TBC1D5: variants seen among roughly 807,000 people sequenced by gnomAD.
TBC1D5 encodes TBC1 domain family member 5, also known as TBC1 domain family, member 5.
A neutral mutation model predicts 100.3 loss-of-function variants in TBC1D5; 75 were observed. That is an observed-to-expected ratio of 0.75 (90% CI 0.62 to 0.91). TBC1D5 has a LOEUF of 0.91. TBC1D5 is among the 40% of genes least tolerant of loss of function. The pLI is 0.00. For missense variants in TBC1D5, 910 were observed against 942.4 expected (o/e 0.97, Z 0.45); for synonymous variants, 323 against 325.6 (o/e 0.99, Z 0.09).
intron 8 of TBC1D5, among the ~76,000 whole-genome samples, chr3:17,398,056 A>T (rs2093554862): frequency 6.6e-6 from 1 of 152,164 alleles, no homozygotes; most frequent in Non-Finnish European, 1.5e-5. Flanking sequence ...CTAATATGGA[A>T]ATGATATTTT....
At chr3:17,158,409 AAGG>A (rs1421685707) in exon 22 of TBC1D5, 1 of 152,252 alleles carries the variant, frequency 6.6e-6, no homozygotes, top group Non-Finnish European at 1.5e-5. Flanking sequence ...ATATAATAAA[AAGG>A]AGCACATATT....
At chr3:17,622,554 A>T (rs781663042) in intron 2 of TBC1D5, 3 of 152,054 alleles carry the variant, frequency 2.0e-5, no homozygotes, top group Non-Finnish European at 4.4e-5. Flanking sequence ...CACATGTTAA[A>T]GGAAAAAAAT....
At chr3:17,626,539 G>T (rs1016568639) in intron 1 of TBC1D5, among the ~76,000 whole-genome samples, 3 of 152,066 alleles carry the variant, frequency 2.0e-5, no homozygotes, top group Admixed American at 6.6e-5. Context: ...GCAAGTAATA[G>T]TACAAAATAC....
At chr3:17,537,102 C>A (rs1183646142) in intron 2 of TBC1D5, among the ~76,000 whole-genome samples, 1 of 152,146 alleles carries the variant, frequency 6.6e-6, no homozygotes, top group East Asian at 1.9e-4. Flanking sequence ...ATCTGATGGC[C>A]TTATGGCAGC....
At chr3:17,620,415 C>A (rs976319151) in intron 2 of TBC1D5, among the ~76,000 whole-genome samples, 3 of 152,208 alleles carry the variant, frequency 2.0e-5, no homozygotes, top group Non-Finnish European at 4.4e-5. Context: ...AATGCGCAAG[C>A]ATAAGAGATT....
intron 2 of TBC1D5, among the ~76,000 whole-genome samples, chr3:17,587,010 G>A (rs1013481794): frequency 6.6e-6 from 1 of 152,046 alleles, no homozygotes; most frequent in African/African-American, 2.4e-5. Context: ...AAATTCCATT[G>A]AAAATGGATT....
chr3:17,734,019 A>G (rs1323092996), intron 1 of TBC1D5, among the ~76,000 whole-genome samples: 1 of 152,186 alleles, frequency 6.6e-6, no homozygotes, highest in Non-Finnish European at 1.5e-5. Context: ...AAAAAAAATG[A>G]AAAGTAAAGA....
intron 2 of TBC1D5, among the ~76,000 whole-genome samples, chr3:17,614,516 T>C (rs1436452649): frequency 6.6e-6 from 1 of 152,240 alleles, no homozygotes; most frequent in African/African-American, 2.4e-5. Context: ...CTCCTATCCA[T>C]GAGCATAGAA....
At chr3:17,532,037 A>G (rs1446082602) in intron 2 of TBC1D5, among the ~76,000 whole-genome samples, 2 of 152,220 alleles carry the variant, frequency 1.3e-5, no homozygotes, top group East Asian at 1.9e-4. Context: ...CTACCGTCAG[A>G]GTGAAAAGGG....
intron 1 of TBC1D5, among the ~76,000 whole-genome samples, chr3:17,721,459 ATG>A (rs59017875): frequency 0.52 from 77,577 of 148,626 alleles, 20,893 homozygotes; most frequent in East Asian, 0.94. Flanking sequence ...GTGTGAGAGC[ATG>A]TGTGTGTGTG....
At chr3:17,160,105 G>A (rs1307045705) in exon 22 of TBC1D5, 2 of 152,174 alleles carry the variant, frequency 1.3e-5, no homozygotes, top group Non-Finnish European at 2.9e-5. Flanking sequence ...CCATTTGAAG[G>A]ATAGTAATAT....
At chr3:17,411,188 T>G (rs1369654283) in intron 4 of TBC1D5, among the ~76,000 whole-genome samples, 2 of 148,854 alleles carry the variant, frequency 1.3e-5, no homozygotes, top group African/African-American at 5.0e-5. Context: ...TGCTGAAGGC[T>G]CAGATGATCC....
Position 17,292,011 on chromosome 3 carries a change from A to T in TBC1D5, c.1139-10T>A. On this transcript the variant is annotated splice_polypyrimidine_tract_variant and intron_variant, in intron 14 of 21. Transcript: ENST00000253692. ...TAGTTACTAGAGATCACTAAATAAG[A>T]AGAAAAAATAATTCAGATGCAATAC... 3 of 1,601,142 alleles carry T rather than the reference A, an allele frequency of 1.9e-6. No individual in the cohort carries two copies. The highest frequency in any genetic ancestry group is 2.6e-6 in the Non-Finnish European group (3 of 1,169,564).
chr3:17,376,342 T>A (rs2092706463), intron 10 of TBC1D5, among the ~76,000 whole-genome samples, 183 bp downstream of exon 10: 1 of 152,118 alleles, frequency 6.6e-6, no homozygotes, highest in South Asian at 2.1e-4. Context: ...ATTTGCCCCA[T>A]AGCTAAACTG....
chr3:17,437,708 C>T (rs1402361961), intron 3 of TBC1D5, among the ~76,000 whole-genome samples: 8 of 128,088 alleles, frequency 6.2e-5, no homozygotes, highest in African/African-American at 2.4e-4. Context: ...AAGAAAGTAG[C>T]GGGGGAAGTG....
Position 17,373,782 on chromosome 3 carries a change from T to C in TBC1D5, c.822+689A>G, listed in dbSNP as rs540925797. On this transcript the variant is annotated intron_variant, in intron 12 of 21. Transcript: ENST00000253692. ...AGTGTATTATATGATTCCACTTATA[T>C]GAAATATCCAGAATCAGCAAGTCCA... Among the ~76,000 whole-genome samples the C allele has an allele frequency of 3.3e-5, 5 of 152,244 alleles. No homozygotes were observed. The South Asian group carries it at 1.0e-3, about 32-fold the overall frequency.
intron 1 of TBC1D5, among the ~76,000 whole-genome samples, chr3:17,636,673 C>T (rs903864353): frequency 3.3e-5 from 5 of 151,664 alleles, no homozygotes; most frequent in African/African-American, 4.8e-5. Context: ...TGGTGGCAGG[C>T]GCCTGTAGTC....
chr3:17,428,706 A>G (rs1340802298), intron 3 of TBC1D5, among the ~76,000 whole-genome samples, 187 bp from the exon 4 acceptor site: 1 of 151,938 alleles, frequency 6.6e-6, no homozygotes, highest in Non-Finnish European at 1.5e-5. Flanking sequence ...ATATAAACCA[A>G]TGCCAATCCT....
chr3:17,220,823 C>T (rs1447166215), intron 17 of TBC1D5, among the ~76,000 whole-genome samples: 1 of 151,928 alleles, frequency 6.6e-6, no homozygotes, highest in Non-Finnish European at 1.5e-5. Context: ...TTTAAAAGGC[C>T]ATAGAACAAA....
Sources: allele counts gnomAD v4.1 joint callset (sites outside exome capture counted in the v4.1 genomes callset), GRCh38; gene constraint gnomAD v4.1.1; transcripts MANE v1.5; gene names NCBI Gene and HGNC (gene_info 2026-07-23, HGNC 2026-07-21).